GRIK4: variants seen among roughly 807,000 people sequenced by gnomAD.
The protein encoded by GRIK4 is glutamate receptor ionotropic, kainate 4.
A neutral mutation model predicts 104.9 loss-of-function variants in GRIK4; 40 were observed. The observed-to-expected ratio is 0.38, with a 90% CI of 0.30 to 0.50. GRIK4 has a LOEUF of 0.50. Among genes scored for constraint, GRIK4 ranks in the 20% least tolerant of loss-of-function variants. The pLI is 0.93. For synonymous variants in GRIK4, 485 were observed against 524.9 expected, an observed-to-expected ratio of 0.92 and a Z score of 1.04; for missense variants, 1,047 against 1,308.1, an observed-to-expected ratio of 0.80 and a Z score of 3.08.
intron 1 of GRIK4, among the ~76,000 whole-genome samples, chr11:120,646,028 G>T (rs917633867): frequency 1.3e-5 from 2 of 152,200 alleles, no homozygotes; most frequent in Admixed American, 1.3e-4. Flanking sequence ...AGGGATGTTA[G>T]TTGACTTTGG....
intron 1 of GRIK4, among the ~76,000 whole-genome samples, chr11:120,582,229 AC>A (rs1948593196): frequency 6.6e-6 from 1 of 151,416 alleles, no homozygotes; most frequent in South Asian, 2.1e-4. Context: ...AAAAGTAATA[AC>A]AGTCTTTGTT....
At chr11:120,807,664 AAAGT>A (rs147862938) in intron 4 of GRIK4, among the ~76,000 whole-genome samples, 3,831 of 152,176 alleles carry the variant, frequency 0.025, 161 homozygotes, top group African/African-American at 0.086. Context: ...TAAGGAAAAA[AAAGT>A]AAGAAGCCAG....
chr11:120,514,657 C>T (rs1479847411), intron 1 of GRIK4, among the ~76,000 whole-genome samples: 3 of 152,144 alleles, frequency 2.0e-5, no homozygotes, highest in African/African-American at 4.8e-5. Context: ...CTGGGTGTCC[C>T]GCCACTCCCT....
chr11:120,808,494 G>A (rs775566461), intron 4 of GRIK4, among the ~76,000 whole-genome samples: 2 of 152,178 alleles, frequency 1.3e-5, no homozygotes, highest in Non-Finnish European at 2.9e-5. Context: ...CCAGGTGAAG[G>A]CTTTGCGTGA....
rs1289247763 is a variant in GRIK4, at chr11:120,903,291, C to T, written c.1273-1999C>T. Among the ~76,000 whole-genome samples, 1 of 152,146 alleles carries T rather than the reference C, an allele frequency of 6.6e-6. No individual in the cohort carries two copies. The highest frequency in any genetic ancestry group is 6.5e-5 in the Admixed American group (1 of 15,274). ...CAGCTCTCCTCTGTCCCTGTCGCAT[C>T]CCCTGAGCGGCTCTGCTGAAAATCT... On this transcript the variant is annotated intron_variant, in intron 12 of 20. Transcript: ENST00000527524. This position sits in a 1 kb window ranked among gnomAD's most constrained non-coding sequence, Gnocchi z 4.4.
intron 11 of GRIK4, among the ~76,000 whole-genome samples, chr11:120,896,347 A>G (rs759000929): frequency 8.5e-5 from 13 of 152,214 alleles, no homozygotes; most frequent in Non-Finnish European, 1.3e-4. Context: ...CTTATCTGTA[A>G]AACGGGGCTT....
At chr11:120,790,834 G>A (rs1952379722) in intron 3 of GRIK4, among the ~76,000 whole-genome samples, 1 of 152,178 alleles carries the variant, frequency 6.6e-6, no homozygotes, top group Admixed American at 6.5e-5. Flanking sequence ...CAGATGGAGG[G>A]GCTGTAGGGA....
chr11:120,933,565 G>A (rs1470569092), intron 13 of GRIK4, among the ~76,000 whole-genome samples: 3 of 152,160 alleles, frequency 2.0e-5, no homozygotes, highest in African/African-American at 7.2e-5. Context: ...AAGTGAGTGC[G>A]AGTCCAGGTA....
intron 11 of GRIK4, among the ~76,000 whole-genome samples, chr11:120,896,133 A>G (rs758575904): frequency 5.9e-5 from 9 of 152,168 alleles, no homozygotes; most frequent in Non-Finnish European, 1.0e-4. Context: ...CCTGAGCCAC[A>G]CAGGCTGCTC....
At chr11:120,795,520 T>C (rs1025967645) in intron 3 of GRIK4, among the ~76,000 whole-genome samples, 1 of 152,236 alleles carries the variant, frequency 6.6e-6, no homozygotes, top group Non-Finnish European at 1.5e-5. Flanking sequence ...CCTTGAATTA[T>C]TGATTCACTC....
intron 4 of GRIK4, among the ~76,000 whole-genome samples, chr11:120,807,207 G>T (rs1952729138): frequency 6.6e-6 from 1 of 152,086 alleles, no homozygotes; most frequent in Non-Finnish European, 1.5e-5. Context: ...CTTCTGCAGG[G>T]AGCTACCACA....
Position 120,816,179 on chromosome 11 carries a change from CCCT to C in GRIK4, c.345+708_345+710del, listed in dbSNP as rs199662528. ...CCCCTCCCTATTCTGCCAACTCTCC[CCCT>C]CCTTTTTCCCCAGAGAAGACAAACT... On this transcript the variant is annotated intron_variant, in intron 5 of 20. Coordinates refer to ENST00000527524, the MANE Select transcript of GRIK4 (RefSeq NM_014619.5). Among the ~76,000 whole-genome samples the C allele has an allele frequency of 8.4e-3, 1,277 of 152,278 alleles. 13 individuals carry two copies. Among genetic ancestry groups the C allele is most frequent in the Non-Finnish European group, 0.012 (813 of 68,016 alleles).
intron 3 of GRIK4, among the ~76,000 whole-genome samples, chr11:120,769,284 T>A (rs1032993800): frequency 6.6e-6 from 1 of 152,160 alleles, no homozygotes; most frequent in Admixed American, 6.5e-5. Flanking sequence ...TTTCTAGGAA[T>A]TTTTTCATTT....
intron 1 of GRIK4, among the ~76,000 whole-genome samples, chr11:120,583,215 G>A (rs1360856637): frequency 6.6e-6 from 1 of 152,082 alleles, no homozygotes; most frequent in East Asian, 1.9e-4. Context: ...GTTTTTGCTT[G>A]TTAATTTAAG....
chr11:120,700,264 CTTTTTTT>C (rs34617192), intron 3 of GRIK4, among the ~76,000 whole-genome samples: 1 of 118,246 alleles, frequency 8.5e-6, no homozygotes. Flanking sequence ...TATATTACTA[CTTTTTTT>C]TTTTTTTTTT....
chr11:120,588,996 G>A (rs922980424), intron 1 of GRIK4, among the ~76,000 whole-genome samples: 3 of 152,174 alleles, frequency 2.0e-5, no homozygotes, highest in African/African-American at 7.2e-5. Flanking sequence ...TAGAAATAAC[G>A]AGGAGGCTTT....
intron 8 of GRIK4, among the ~76,000 whole-genome samples, chr11:120,841,976 T>A (rs1406602441): frequency 6.6e-6 from 1 of 152,174 alleles, no homozygotes; most frequent in Non-Finnish European, 1.5e-5. Context: ...CAGTCAGAAG[T>A]GGTAAAAATC....
intron 1 of GRIK4, among the ~76,000 whole-genome samples, chr11:120,641,676 G>C (rs1456690951): frequency 6.6e-6 from 1 of 152,218 alleles, no homozygotes; most frequent in Non-Finnish European, 1.5e-5. Flanking sequence ...AGGATGACCA[G>C]ACTTCACTTT....
chr11:120,600,798 C>T (rs1240507468), intron 1 of GRIK4, among the ~76,000 whole-genome samples: 2 of 152,246 alleles, frequency 1.3e-5, no homozygotes, highest in Non-Finnish European at 2.9e-5. Flanking sequence ...CATGGTGGCT[C>T]ATGCCTGTAA....
Sources: allele counts gnomAD v4.1 joint callset (sites outside exome capture counted in the v4.1 genomes callset), GRCh38; gene constraint gnomAD v4.1.1; non-coding constraint Gnocchi (gnomAD v3.1); transcripts MANE v1.5; gene names NCBI Gene and HGNC (gene_info 2026-07-23, HGNC 2026-07-21).